Variants in OPCML observed in about 807,000 individuals in gnomAD.
OPCML encodes opioid-binding protein/cell adhesion molecule.
In OPCML, 13 loss-of-function variants were observed where a neutral mutation model predicts 37.8. That is an observed-to-expected ratio of 0.34 (90% confidence interval 0.22 to 0.55). The LOEUF is 0.55. Ranked by LOEUF, OPCML falls within the 20% of genes least tolerant of loss-of-function variation. The probability of loss-of-function intolerance (pLI) is 0.91; values close to 1 mark genes in which losing one functional copy is unlikely to be tolerated. For synonymous variants in OPCML, 176 were observed against 168.8 expected, an observed-to-expected ratio of 1.04 and a Z score of -0.33; for missense variants, 341 against 435.6, an observed-to-expected ratio of 0.78 and a Z score of 1.93.
intron 1 of OPCML, among the ~76,000 whole-genome samples, chr11:132,986,346 AG>A (rs1441250868): frequency 6.6e-6 from 1 of 152,228 alleles, no homozygotes; most frequent in Non-Finnish European, 1.5e-5. Flanking sequence ...TGGATATGAA[AG>A]AAAGTATAAT....
At chr11:133,384,613 G>A (rs1033587712) in intron 1 of OPCML, among the ~76,000 whole-genome samples, 1 of 152,114 alleles carries the variant, frequency 6.6e-6, no homozygotes, top group African/African-American at 2.4e-5. Flanking sequence ...AGCTCTTGTC[G>A]CTTGTCCCCA....
chr11:133,298,503 GGAAAACT>G (rs1175013341), intron 1 of OPCML: 2 of 152,044 alleles, frequency 1.3e-5, no homozygotes, highest in Admixed American at 6.5e-5. Context: ...ATTGACCCAA[GGAAAACT>G]TGACTAGAAC....
At chr11:132,450,090 T>A (rs904069728) in intron 4 of OPCML, among the ~76,000 whole-genome samples, 1 of 152,146 alleles carries the variant, frequency 6.6e-6, no homozygotes, top group East Asian at 1.9e-4. Flanking sequence ...CTGGTCGTCC[T>A]CCAAAGCACC....
At chr11:132,965,611 C>T (rs946770466) in intron 1 of OPCML, among the ~76,000 whole-genome samples, 8 of 152,156 alleles carry the variant, frequency 5.3e-5, no homozygotes, top group Non-Finnish European at 5.9e-5. Flanking sequence ...TGGCTCACTG[C>T]AATTTCTGCC....
At position 132,630,469 on chromosome 11, in the gene OPCML, T is replaced by C. The variant is rs1940031196; in HGVS notation, c.379+26618A>G. On this transcript the variant is annotated intron_variant, in intron 3 of 7. Transcript: ENST00000524381. ...TTAAAACTGTACTTCAAAGAACATT[T>C]GGTAATATGAGAGAATGTATTTGTT... 2.0e-5 allele frequency among the ~76,000 whole-genome samples: 3 copies of C among 152,220 alleles called. No homozygotes were observed. In the South Asian group the frequency reaches 6.2e-4, roughly 32 times the overall value.
At chr11:133,023,216 A>G (rs1169749609) in intron 1 of OPCML, among the ~76,000 whole-genome samples, 4 of 152,118 alleles carry the variant, frequency 2.6e-5, no homozygotes, top group Non-Finnish European at 4.4e-5. Context: ...CCCCACTCCA[A>G]TCTAGTTCCC....
chr11:132,421,397 C>A (rs987362977), intron 7 of OPCML, among the ~76,000 whole-genome samples: 3 of 152,312 alleles, frequency 2.0e-5, no homozygotes, highest in East Asian at 1.9e-4. Flanking sequence ...CTTTGAGAAG[C>A]AAATTGGCCT....
chr11:132,972,107 G>A (rs1768377881), intron 1 of OPCML, among the ~76,000 whole-genome samples: 1 of 152,104 alleles, frequency 6.6e-6, no homozygotes, highest in African/African-American at 2.4e-5. Flanking sequence ...ACATAGAGTG[G>A]CTTCCTGGTC....
At chr11:133,465,051 G>A (rs1946945821) in intron 1 of OPCML, among the ~76,000 whole-genome samples, 1 of 152,150 alleles carries the variant, frequency 6.6e-6, no homozygotes, top group South Asian at 2.1e-4. Flanking sequence ...CCACAAACCT[G>A]GTGGTTTCAA....
intron 1 of OPCML, among the ~76,000 whole-genome samples, chr11:133,059,335 G>T (rs924594245): frequency 1.3e-5 from 2 of 152,280 alleles, no homozygotes; most frequent in Admixed American, 6.5e-5. Flanking sequence ...CTCTAAGACT[G>T]CCCAAGACCT....
At chr11:133,480,391 G>A (rs1052020097) in intron 1 of OPCML, among the ~76,000 whole-genome samples, 1 of 152,182 alleles carries the variant, frequency 6.6e-6, no homozygotes, top group Non-Finnish European at 1.5e-5. Flanking sequence ...TCTGCACCTC[G>A]GCATCCCACT....
chr11:132,554,607 C>T (rs2137452587), intron 3 of OPCML, among the ~76,000 whole-genome samples: 1 of 152,258 alleles, frequency 6.6e-6, no homozygotes, highest in Non-Finnish European at 1.5e-5. Flanking sequence ...ACCACCCCAC[C>T]TGCTGGGGTG....
At chr11:132,465,672 A>C (rs957791871) in intron 4 of OPCML, among the ~76,000 whole-genome samples, 2 of 152,032 alleles carry the variant, frequency 1.3e-5, no homozygotes, top group African/African-American at 2.4e-5. Flanking sequence ...AATCTCTTTC[A>C]CTGTAATAAG....
chr11:132,657,070 A>T lies in OPCML; in HGVS notation c.379+17T>A, dbSNP rs753443240. 5.6e-6 allele frequency: 9 copies of T among 1,610,872 alleles called. No individual in the cohort carries two copies. In the South Asian group the frequency reaches 9.9e-5, roughly 18 times the overall value. ...TCACTGACGGGAATGGCAACCCCAG[A>T]TCCAGCTGGGACTTACCTTGCACTA... On this transcript the variant is annotated intron_variant, in intron 3 of 7. Transcript: ENST00000524381.
intron 1 of OPCML, among the ~76,000 whole-genome samples, chr11:133,269,353 G>A (rs548444541): frequency 6.6e-6 from 1 of 152,282 alleles, no homozygotes; most frequent in African/African-American, 2.4e-5. Flanking sequence ...TGACTGAACA[G>A]GGAGAAGGGA....
In OPCML at chr11:133,247,589, GTCTT is replaced by G. The variant is rs1267279445; in HGVS notation, c.61+284671_61+284674del. On this transcript the variant is annotated intron_variant, in intron 1 of 7. Transcript: ENST00000524381. ...CTTTCTTTCTTTCTTTCTTTCATCT[GTCTT>G]TCTTTCTTTCTTTCTTTCTTTTTTT... 1.7e-3 allele frequency among the ~76,000 whole-genome samples: 40 copies of G among 23,358 alleles called. No individual in the cohort carries two copies. In the South Asian group the frequency reaches 0.017, roughly 10 times the overall value. 15.3% of individuals were successfully genotyped at this position (23,358 alleles called of 152,430 possible).
At chr11:132,645,592 C>T (rs551369730) in intron 3 of OPCML, among the ~76,000 whole-genome samples, 1 of 152,176 alleles carries the variant, frequency 6.6e-6, no homozygotes, top group East Asian at 1.9e-4. Context: ...TCTAGGAGAG[C>T]AAGAGAGTTA....
chr11:132,489,861 C>T (rs1468795209), intron 4 of OPCML, among the ~76,000 whole-genome samples: 1 of 152,090 alleles, frequency 6.6e-6, no homozygotes, highest in African/African-American at 2.4e-5. Flanking sequence ...CCCTGACAGG[C>T]CCCACTGTGT....
At chr11:133,419,233 T>C (rs577895926) in intron 1 of OPCML, 2 of 985,294 alleles carry the variant, frequency 2.0e-6, no homozygotes, top group African/African-American at 3.5e-5. Flanking sequence ...GTAATTACAG[T>C]CATAGTTGGG....
Sources: gnomAD v4.1 joint callset for allele counts (sites outside exome capture counted in the v4.1 genomes callset) on GRCh38, gnomAD v4.1.1 for gene constraint, MANE v1.5 for transcripts, NCBI Gene and HGNC (gene_info 2026-07-23, HGNC 2026-07-21) for gene names.